Variants in ITGAV observed in about 807,000 individuals in gnomAD.
ITGAV encodes integrin subunit alpha V, also known as integrin alpha-V.
A neutral mutation model predicts 143.8 loss-of-function variants in ITGAV; 76 were observed. The ratio of observed to expected loss-of-function variants is 0.53; its 90% CI spans 0.44 to 0.64. ITGAV has a LOEUF of 0.64. Ranked by LOEUF, ITGAV falls within the 30% of genes least tolerant of loss-of-function variation. The probability of loss-of-function intolerance (pLI) is 0.00; values close to 1 mark genes in which losing one functional copy is unlikely to be tolerated. For synonymous variants in ITGAV, 453 were observed against 446.7 expected (o/e 1.01, Z -0.18); for missense variants, 1,193 against 1,274.7 (o/e 0.94, Z 0.98).
intron 2 of ITGAV, among the ~76,000 whole-genome samples, chr2:186,616,941 T>C (rs940607352): frequency 2.0e-5 from 3 of 151,976 alleles, no homozygotes; most frequent in Admixed American, 2.0e-4. Context: ...ACTAAACAAG[T>C]GATGTTTGAA....
chr2:186,659,504 A>G (rs1026503124), intron 18 of ITGAV, among the ~76,000 whole-genome samples: 29 of 151,960 alleles, frequency 1.9e-4, no homozygotes, highest in African/African-American at 7.0e-4. Flanking sequence ...AATATATTTG[A>G]TATCTGTTAT....
At chr2:186,620,962 G>A (rs1166929103) in intron 2 of ITGAV, among the ~76,000 whole-genome samples, 1 of 152,082 alleles carries the variant, frequency 6.6e-6, no homozygotes, top group Non-Finnish European at 1.5e-5. Flanking sequence ...TAAAAAACAT[G>A]CATGTATTCA....
intron 1 of ITGAV, among the ~76,000 whole-genome samples, chr2:186,591,708 T>G (rs1012992744): frequency 2.0e-5 from 3 of 152,218 alleles, no homozygotes; most frequent in Non-Finnish European, 4.4e-5. Flanking sequence ...TGAATGTTAC[T>G]GAGTATCATT....
At chr2:186,661,235 A>C (rs2682855) in intron 18 of ITGAV, among the ~76,000 whole-genome samples, 1 of 151,996 alleles carries the variant, frequency 6.6e-6, no homozygotes, top group Admixed American at 6.6e-5. Flanking sequence ...TTTATTAGAA[A>C]TTTTTTTTGT....
chr2:186,670,550 C>G (rs1276107427), intron 26 of ITGAV, among the ~76,000 whole-genome samples: 2 of 152,186 alleles, frequency 1.3e-5, no homozygotes, highest in African/African-American at 4.8e-5. Flanking sequence ...ATCTGCCCAC[C>G]TCAGCCTCCT....
chr2:186,621,963 A>G (rs1397904597), intron 2 of ITGAV, among the ~76,000 whole-genome samples: 1 of 152,168 alleles, frequency 6.6e-6, no homozygotes, highest in Non-Finnish European at 1.5e-5. Context: ...GTTTCATAGC[A>G]TTTAATTTTC....
At chr2:186,662,076 A>T (rs1688763796) in intron 18 of ITGAV, among the ~76,000 whole-genome samples, 1 of 152,150 alleles carries the variant, frequency 6.6e-6, no homozygotes, top group South Asian at 2.1e-4. Context: ...ATAGAGTGAT[A>T]TCAGCCAAAT....
intron 24 of ITGAV, 73 bp downstream of exon 24, chr2:186,667,849 A>C: frequency 1.2e-6 from 1 of 807,812 alleles, no homozygotes. Flanking sequence ...AGCTACTTTA[A>C]AAAAAAAATT....
At chr2:186,652,931 A>ATTTTT (rs35139936) in intron 15 of ITGAV, among the ~76,000 whole-genome samples, 116 of 82,410 alleles carry the variant, frequency 1.4e-3, no homozygotes, top group African/African-American at 2.1e-3. Context: ...TTCATTATAG[A>ATTTTT]TTTTTTTTTT....
chr2:186,623,859 A>G (rs902532639), intron 3 of ITGAV, among the ~76,000 whole-genome samples: 3 of 152,278 alleles, frequency 2.0e-5, no homozygotes, highest in Admixed American at 6.5e-5. Flanking sequence ...CTACCCTGCA[A>G]CAAGCCACCA....
At chr2:186,644,613 C>G (rs985461389) in intron 12 of ITGAV, among the ~76,000 whole-genome samples, 1 of 151,960 alleles carries the variant, frequency 6.6e-6, no homozygotes, top group East Asian at 1.9e-4. Context: ...CGTGAGCCAC[C>G]GTGCCCAGCC....
At chr2:186,636,459 C>G (rs764741167) in intron 7 of ITGAV, among the ~76,000 whole-genome samples, 2 of 152,142 alleles carry the variant, frequency 1.3e-5, no homozygotes, top group Non-Finnish European at 2.9e-5. Flanking sequence ...TTACTGTGTT[C>G]TGGGCATTGT....
In ITGAV at chr2:186,630,819, G is replaced by T; in HGVS notation, c.546G>T (p.Gln182His). Reference protein sequence around the residue: ...CRSQDIDADGQGFCQGGFSID... With the variant: ...CRSQDIDADGHGFCQGGFSID... ...TAGAAGATATTGATGCTGATGGACA[G>T]GGATTTTGTCAAGGAGGATTCAGCA... The change falls in exon 5 of 30, where the codon CAG becomes CAT. Residue 182 changes from glutamine to histidine, a missense_variant. Coordinates refer to ENST00000261023, the MANE Select transcript of ITGAV (RefSeq NM_002210.5). 6.3e-7 allele frequency: 1 copy of T among 1,587,136 alleles called. No homozygotes were observed. Among genetic ancestry groups the T allele is most frequent in the Non-Finnish European group, 8.6e-7 (1 of 1,157,508 alleles).
intron 1 of ITGAV, chr2:186,600,255 C>T: frequency 3.8e-6 from 5 of 1,316,976 alleles, no homozygotes; most frequent in Non-Finnish European, 5.3e-6. Context: ...CTTTCTACCT[C>T]TGCCTCACAT....
chr2:186,664,927 G>A (rs1325247710), intron 20 of ITGAV, among the ~76,000 whole-genome samples, 199 bp from the exon 21 acceptor site: 5 of 152,168 alleles, frequency 3.3e-5, no homozygotes, highest in Admixed American at 3.3e-4. Context: ...GTATGGTTTT[G>A]TATGGTAGTC....
intron 26 of ITGAV, among the ~76,000 whole-genome samples, chr2:186,671,753 C>CT (rs1337219397): frequency 6.6e-6 from 1 of 152,076 alleles, no homozygotes; most frequent in Non-Finnish European, 1.5e-5. Context: ...AAAAGAAATG[C>CT]TGTACCCATT....
intron 1 of ITGAV, chr2:186,600,281 T>G (rs1686862613): frequency 1.3e-6 from 2 of 1,502,898 alleles, no homozygotes; most frequent in East Asian, 4.9e-5. Flanking sequence ...CTCCATCTCT[T>G]CATTCCACTT....
intron 3 of ITGAV, among the ~76,000 whole-genome samples, chr2:186,625,129 G>A (rs1057348150): frequency 3.9e-5 from 6 of 152,038 alleles, no homozygotes; most frequent in African/African-American, 7.2e-5. Flanking sequence ...CACAATTAGC[G>A]CTTTGGGAGG....
intron 5 of ITGAV, among the ~76,000 whole-genome samples, chr2:186,631,513 A>G (rs1337193896): frequency 2.0e-5 from 3 of 151,872 alleles, no homozygotes; most frequent in Non-Finnish European, 4.4e-5. Flanking sequence ...GTGTTTATTT[A>G]TTTTGGTGGT....
Sources: allele counts gnomAD v4.1 joint callset (sites outside exome capture counted in the v4.1 genomes callset), GRCh38; gene constraint gnomAD v4.1.1; transcripts MANE v1.5; gene names NCBI Gene and HGNC (gene_info 2026-07-23, HGNC 2026-07-21).